PPP6R1: variants seen among roughly 807,000 people sequenced by gnomAD.
The protein encoded by PPP6R1 is serine/threonine-protein phosphatase 6 regulatory subunit 1.
PPP6R1 carries 39 observed loss-of-function variants against 104.6 expected under a neutral mutation model. That is an observed-to-expected ratio of 0.37 (90% CI 0.29 to 0.49). The LOEUF is 0.49. Ranked by LOEUF, PPP6R1 falls within the 20% of genes least tolerant of loss-of-function variation. PPP6R1 has a pLI of 0.98. For missense variants in PPP6R1, 1,181 were observed against 1,155.8 expected, an observed-to-expected ratio of 1.02 and a Z score of -0.32; for synonymous variants, 549 against 479.0, an observed-to-expected ratio of 1.15 and a Z score of -1.91.
At chr19:55,253,303 G>A (rs1383548603) in intron 1 of PPP6R1, among the ~76,000 whole-genome samples, 1 of 152,220 alleles carries the variant, frequency 6.6e-6, no homozygotes, top group Non-Finnish European at 1.5e-5. Context: ...AGTGTGCCCT[G>A]GTCTCTAAAC....
intron 1 of PPP6R1, among the ~76,000 whole-genome samples, chr19:55,256,948 T>TA (rs2087598004): frequency 6.6e-6 from 1 of 152,112 alleles, no homozygotes; most frequent in African/African-American, 2.4e-5. Flanking sequence ...TATCCCCACT[T>TA]ACAGACGAGG....
In PPP6R1 at chr19:55,245,965, T is replaced by C. The variant is rs2087504511; in HGVS notation, c.228-287A>G. ...TTCCCAATCCCCCAGCAGCTAACAC[T>C]CATCCCTTTTGCCTCTCAGCGGCTT... On this transcript the variant is annotated intron_variant, in intron 2 of 23. Coordinates refer to ENST00000412770, the MANE Select transcript of PPP6R1 (RefSeq NM_014931.4). The surrounding 1 kb of genome is among the most constrained non-coding windows in gnomAD (Gnocchi z 6.4). Among the ~76,000 whole-genome samples, 1 of 151,804 alleles carries C rather than the reference T, an allele frequency of 6.6e-6. No homozygotes were observed. The highest frequency in any genetic ancestry group is 2.1e-4 in the South Asian group (1 of 4,800).
intron 1 of PPP6R1, among the ~76,000 whole-genome samples, chr19:55,253,712 A>T (rs1600118645): frequency 6.6e-6 from 1 of 152,332 alleles, no homozygotes; most frequent in Admixed American, 6.5e-5. Flanking sequence ...AACAGAAAAA[A>T]AGAGAAAAAA....
intron 1 of PPP6R1, among the ~76,000 whole-genome samples, chr19:55,250,325 G>A (rs553289662): frequency 2.6e-5 from 4 of 152,330 alleles, no homozygotes; most frequent in East Asian, 1.9e-4. Context: ...AGGGGTTGGC[G>A]GGCAGTGAAG....
chr19:55,252,101 C>T (rs185152580), intron 1 of PPP6R1, among the ~76,000 whole-genome samples: 210 of 152,266 alleles, frequency 1.4e-3, no homozygotes, highest in African/African-American at 4.3e-3. Flanking sequence ...TACAGGCTTC[C>T]AGGAGCTGGC....
intron 12 of PPP6R1, 32 bp from the exon 13 acceptor site, chr19:55,239,943 C>T (rs1211899501): frequency 1.9e-6 from 3 of 1,612,880 alleles, no homozygotes; most frequent in Admixed American, 1.7e-5. Context: ...AGACGTGAGG[C>T]ATCTCGGGGC....
At position 55,239,202 on chromosome 19, in the gene PPP6R1, A is replaced by G; in HGVS notation, c.1751+203T>C. ...GCCTCTCGGAGAGAAGAGACTGCAG[A>G]GCTGGAACTCATGTAACAGGAGGCA... On this transcript the variant is annotated intron_variant, in intron 15 of 23. Transcript: ENST00000412770. 3 of 597,896 alleles carry G rather than the reference A, an allele frequency of 5.0e-6. 1 individual carries two copies. In the South Asian group the frequency reaches 5.7e-5, roughly 11 times the overall value. The allele number at this position is 597,896 out of a possible 1,614,324, so 37.0% of individuals were successfully genotyped here. A position where few individuals can be genotyped will look rare whatever the true frequency, so the allele number is the denominator to read the frequency against.
intron 1 of PPP6R1, chr19:55,247,318 C>CCA (rs1332286147): frequency 3.4e-6 from 2 of 587,734 alleles, no homozygotes; most frequent in African/African-American, 1.9e-5. Flanking sequence ...CCAGTGAGCA[C>CCA]CAGGCTCCTG....
chr19:55,230,929 T>A lies in PPP6R1; in HGVS notation c.2460-45A>T, dbSNP rs746284920. ...GCGGCTGTCAGCGTGGCCCCCACCGTCACCTGCTGACACCCTCACATCCCA... is the reference window on the plus strand; with the variant it reads ...GCGGCTGTCAGCGTGGCCCCCACCGACACCTGCTGACACCCTCACATCCCA... On this transcript the variant is annotated intron_variant, in intron 21 of 23. Coordinates refer to ENST00000412770, the MANE Select transcript of PPP6R1 (RefSeq NM_014931.4). The A allele has an allele frequency of 1.7e-5, 25 of 1,466,740 alleles. No individual in the cohort carries two copies. The African/African-American group carries it at 2.8e-4, about 16-fold the overall frequency. The allele number at this position is 1,466,740 out of a possible 1,614,324, so 90.9% of individuals were successfully genotyped here.
At chr19:55,236,500 A>C in intron 17 of PPP6R1, 143 bp downstream of exon 17, 1 of 914,918 alleles carries the variant, frequency 1.1e-6, no homozygotes, top group Non-Finnish European at 1.6e-6. Flanking sequence ...TCAAAAGTGA[A>C]AGTGCCCCCA....
At chr19:55,250,022 T>C (rs1264737006) in intron 1 of PPP6R1, among the ~76,000 whole-genome samples, 1 of 152,154 alleles carries the variant, frequency 6.6e-6, no homozygotes, top group African/African-American at 2.4e-5. Flanking sequence ...ACCTCGCCAG[T>C]GCTCCTGGGG....
rs2087399722 is a variant in PPP6R1, at chr19:55,236,514, A to G, written c.1988+129T>C. On this transcript the variant is annotated intron_variant, in intron 17 of 23. Coordinates refer to ENST00000412770, the MANE Select transcript of PPP6R1 (RefSeq NM_014931.4). ...CTCAAAAGTGAAAGTGCCCCCAACTAATACACACACCAATGCAGGTTCCTT... is the reference window on the plus strand; with the variant it reads ...CTCAAAAGTGAAAGTGCCCCCAACTGATACACACACCAATGCAGGTTCCTT... 1.1e-5 allele frequency: 12 copies of G among 1,066,408 alleles called. No homozygotes were observed. The South Asian group carries it at 1.9e-4, about 17-fold the overall frequency. 66.1% of individuals were successfully genotyped at this position (1,066,408 alleles called of 1,614,324 possible). A position where few individuals can be genotyped will look rare whatever the true frequency, so the allele number is the denominator to read the frequency against.
chr19:55,245,707 C>T lies in PPP6R1; in HGVS notation c.228-29G>A. The T allele has an allele frequency of 6.3e-7, 1 of 1,574,880 alleles. No individual in the cohort carries two copies. Among genetic ancestry groups the T allele is most frequent in the Non-Finnish European group, 8.6e-7 (1 of 1,159,500 alleles). Reference sequence around the variant, plus strand: ...GGAGGCAAGCACAGGCGGGTGGGGGCTCGGGTCGGAGGCCGGGGGCAGGGG... The same window carrying T: ...GGAGGCAAGCACAGGCGGGTGGGGGTTCGGGTCGGAGGCCGGGGGCAGGGG... On this transcript the variant is annotated intron_variant, in intron 2 of 23. Coordinates refer to ENST00000412770, the MANE Select transcript of PPP6R1 (RefSeq NM_014931.4). The surrounding 1 kb of genome is among the most constrained non-coding windows in gnomAD (Gnocchi z 6.4).
rs1026770589 is a variant in PPP6R1 at position 55,232,268 on chromosome 19, T to C, written c.1989-57A>G. 3.4e-6 allele frequency: 5 copies of C among 1,485,278 alleles called. No individual in the cohort carries two copies. The Admixed American group carries it at 1.1e-4, about 32-fold the overall frequency. 92.0% of individuals were successfully genotyped at this position (1,485,278 alleles called of 1,614,324 possible). A position where few individuals can be genotyped will look rare whatever the true frequency, so the allele number is the denominator to read the frequency against. ...TGTGGGACAGACCGGCCGACACCCATCCTGTTCCCTGCAGCCCAGGGTCAG... is the reference window on the plus strand; with the variant it reads ...TGTGGGACAGACCGGCCGACACCCACCCTGTTCCCTGCAGCCCAGGGTCAG... On this transcript the variant is annotated intron_variant, in intron 17 of 23. Transcript: ENST00000412770.
Position 55,245,468 on chromosome 19 carries a change from G to C in PPP6R1, c.414+24C>G, listed in dbSNP as rs554730371. On this transcript the variant is annotated intron_variant, in intron 3 of 23. Transcript: ENST00000412770. The surrounding 1 kb of genome is among the most constrained non-coding windows in gnomAD (Gnocchi z 6.4). ...AGCCACCACCCCTCAACCCACGGTG[G>C]CGCCAGGGTGGGGGCCAGGGCACCT... 328 of 1,610,298 alleles carry C rather than the reference G, an allele frequency of 2.0e-4. No individual in the cohort carries two copies. The highest frequency in any genetic ancestry group is 6.6e-4 in the Admixed American group (39 of 59,534).
At chr19:55,232,733 C>G (rs912684080) in intron 17 of PPP6R1, 1 of 154,414 alleles carries the variant, frequency 6.5e-6, no homozygotes, top group Non-Finnish European at 1.4e-5. Flanking sequence ...CATAGCTGCT[C>G]CAAAAACACT....
In PPP6R1 at chr19:55,241,183, C is replaced by A; in HGVS notation, c.1161+56G>T. The A allele has an allele frequency of 6.7e-7, 1 of 1,492,634 alleles. No homozygotes were observed. The highest frequency in any genetic ancestry group is 1.3e-5 in the South Asian group (1 of 76,546). The allele number at this position is 1,492,634 out of a possible 1,614,324, so 92.5% of individuals were successfully genotyped here. ...CCCACCCCAGCCCCCGAACCCTCAG[C>A]CCAGTCCAGTCCCCGCCCCAGCCCC... is the stretch of plus-strand genomic sequence containing the variant. On this transcript the variant is annotated intron_variant, in intron 9 of 23. Transcript: ENST00000412770. The surrounding 1 kb of genome is among the most constrained non-coding windows in gnomAD (Gnocchi z 5.4).
At chr19:55,239,152 T>C in intron 15 of PPP6R1, 1 of 510,846 alleles carries the variant, frequency 2.0e-6, no homozygotes, top group South Asian at 2.0e-5. Flanking sequence ...GCACAGAAGA[T>C]GTTTGTGCCC....
At chr19:55,240,152 G>A (rs756508415) in intron 11 of PPP6R1, 38 bp from the exon 12 acceptor site, 1 of 1,562,302 alleles carries the variant, frequency 6.4e-7, no homozygotes, top group South Asian at 1.2e-5. Flanking sequence ...AGCCAGGACT[G>A]GACCCAGGGA....
Sources: allele counts gnomAD v4.1 joint callset (sites outside exome capture counted in the v4.1 genomes callset), GRCh38; gene constraint gnomAD v4.1.1; non-coding constraint Gnocchi (gnomAD v3.1); transcripts MANE v1.5; gene names NCBI Gene and HGNC (gene_info 2026-07-23, HGNC 2026-07-21).